NCAM2: variants seen among roughly 807,000 people sequenced by gnomAD.
NCAM2 encodes the protein N-CAM-2.
In NCAM2, 30 loss-of-function variants were observed where a neutral mutation model predicts 98.1. The ratio of observed to expected loss-of-function variants is 0.31; its 90% CI spans 0.23 to 0.41. The LOEUF is 0.41. Among genes scored for constraint, NCAM2 ranks in the 10% least tolerant of loss-of-function variants. NCAM2 has a pLI of 1.00. For missense variants in NCAM2, 867 were observed against 1,005.8 expected, an observed-to-expected ratio of 0.86 and a Z score of 1.87; for synonymous variants, 368 against 342.4, an observed-to-expected ratio of 1.07 and a Z score of -0.83.
chr21:21,111,517 C>T (rs138896982), intron 1 of NCAM2, among the ~76,000 whole-genome samples: 4 of 152,118 alleles, frequency 2.6e-5, no homozygotes, highest in African/African-American at 9.6e-5. Context: ...GAGGGCAGGG[C>T]TCCAGAAGCC....
intron 1 of NCAM2, among the ~76,000 whole-genome samples, chr21:21,264,641 G>T (rs536901934): frequency 6.6e-6 from 1 of 150,636 alleles, no homozygotes; most frequent in Non-Finnish European, 1.5e-5. Context: ...TGATGTGTAT[G>T]TATGTGTGTG....
chr21:21,058,144 C>CAAA (rs56355387), intron 1 of NCAM2, among the ~76,000 whole-genome samples: 7 of 104,448 alleles, frequency 6.7e-5, no homozygotes, highest in African/African-American at 1.8e-4. Flanking sequence ...TAAGTCTCTT[C>CAAA]AAAAAAAAAA....
intron 4 of NCAM2, among the ~76,000 whole-genome samples, chr21:21,289,386 C>T (rs376530219): frequency 5.9e-5 from 9 of 151,670 alleles, no homozygotes; most frequent in South Asian, 2.1e-4. Flanking sequence ...TCTATGATAA[C>T]GAAATTGTGG....
At chr21:21,208,891 C>T (rs930599975) in intron 1 of NCAM2, among the ~76,000 whole-genome samples, 1 of 151,908 alleles carries the variant, frequency 6.6e-6, no homozygotes, top group Non-Finnish European at 1.5e-5. Context: ...TTTCTTTGTT[C>T]TATGTTCAAT....
intron 1 of NCAM2, among the ~76,000 whole-genome samples, chr21:21,237,276 C>G (rs992822343): frequency 1.3e-5 from 2 of 152,048 alleles, no homozygotes; most frequent in Non-Finnish European, 2.9e-5. Context: ...ACTGTGGTTT[C>G]AATTTTTTTA....
At chr21:21,085,633 G>A (rs186227626) in intron 1 of NCAM2, among the ~76,000 whole-genome samples, 12 of 152,162 alleles carry the variant, frequency 7.9e-5, no homozygotes, top group Admixed American at 4.6e-4. Flanking sequence ...AACACTATGC[G>A]CCCTTTCTGC....
chr21:21,443,220 G>C (rs1979574246), intron 12 of NCAM2, among the ~76,000 whole-genome samples: 1 of 152,108 alleles, frequency 6.6e-6, no homozygotes, highest in Non-Finnish European at 1.5e-5. Context: ...AGTGGGAGTT[G>C]AACAATGAGA....
At chr21:21,373,257 G>A (rs894273117) in intron 8 of NCAM2, among the ~76,000 whole-genome samples, 1 of 151,810 alleles carries the variant, frequency 6.6e-6, no homozygotes, top group Admixed American at 6.6e-5. Flanking sequence ...GAAATCTGAA[G>A]TTCCAGCAAG....
chr21:21,474,834 G>A (rs1349918490), intron 14 of NCAM2, among the ~76,000 whole-genome samples: 1 of 151,602 alleles, frequency 6.6e-6, no homozygotes, highest in Non-Finnish European at 1.5e-5. Flanking sequence ...GTATATATGT[G>A]CATATTCATA....
chr21:21,529,937 C>CA lies in NCAM2; in HGVS notation c.2283-4596dup, dbSNP rs1306609880. On this transcript the variant is annotated intron_variant, in intron 16 of 17. Coordinates refer to ENST00000400546, the MANE Select transcript of NCAM2 (RefSeq NM_004540.5). Reference sequence around the variant, plus strand: ...CATTTAGACATTCACAGTTTTAATGCAAAATCTCTCCCTCTCTGTTGATAA... The same window carrying CA: ...CATTTAGACATTCACAGTTTTAATGCAAAAATCTCTCCCTCTCTGTTGATAA... 2.0e-5 allele frequency among the ~76,000 whole-genome samples: 3 copies of CA among 150,644 alleles called. No individual in the cohort carries two copies. In the South Asian group the frequency reaches 6.2e-4, roughly 31 times the overall value.
chr21:21,418,036 T>G (rs1242903875), intron 10 of NCAM2, among the ~76,000 whole-genome samples: 2 of 152,040 alleles, frequency 1.3e-5, no homozygotes, highest in Admixed American at 6.6e-5. Context: ...TAACAATGCT[T>G]TTATTACAAG....
intron 1 of NCAM2, among the ~76,000 whole-genome samples, chr21:21,247,354 G>A (rs768502805): frequency 2.0e-5 from 3 of 151,932 alleles, no homozygotes; most frequent in Non-Finnish European, 4.4e-5. Flanking sequence ...TTAAACAGAG[G>A]GATTTTGCTT....
intron 9 of NCAM2, among the ~76,000 whole-genome samples, chr21:21,396,299 A>C (rs1256136818): frequency 6.6e-6 from 1 of 152,230 alleles, no homozygotes; most frequent in East Asian, 1.9e-4. Context: ...TCAAAACCAC[A>C]ATGTGATACA....
At chr21:21,465,828 C>G (rs1983610693) in intron 12 of NCAM2, among the ~76,000 whole-genome samples, 1 of 151,916 alleles carries the variant, frequency 6.6e-6, no homozygotes, top group African/African-American at 2.4e-5. Flanking sequence ...AAAGTGGCAA[C>G]TATAAAATTC....
intron 16 of NCAM2, among the ~76,000 whole-genome samples, chr21:21,515,269 C>T (rs780086580): frequency 1.4e-4 from 21 of 152,058 alleles, no homozygotes; most frequent in Non-Finnish European, 1.9e-4. Context: ...GTGTTCTGCA[C>T]GAGTCCAAAG....
intron 5 of NCAM2, among the ~76,000 whole-genome samples, chr21:21,295,145 C>A (rs1366977041): frequency 6.6e-6 from 1 of 151,756 alleles, no homozygotes; most frequent in Non-Finnish European, 1.5e-5. Context: ...TCACATGCAG[C>A]GCTTCCTTGT....
chr21:21,208,531 T>C (rs1449968332), intron 1 of NCAM2, among the ~76,000 whole-genome samples: 1 of 152,184 alleles, frequency 6.6e-6, no homozygotes, highest in Non-Finnish European at 1.5e-5. Context: ...AGACAGCATC[T>C]TTTTATTTTA....
In NCAM2 at chr21:21,033,869, C is replaced by T. The variant is rs182923584; in HGVS notation, c.55+35251C>T. On this transcript the variant is annotated intron_variant, in intron 1 of 17. Transcript: ENST00000400546. ...CAGAAGGCAGCTTTTCTGAACTATC[C>T]CCATCTGCAGGCCCTGTTAATAGTC... is the stretch of plus-strand genomic sequence containing the variant. 2.6e-3 allele frequency among the ~76,000 whole-genome samples: 400 copies of T among 152,106 alleles called. 1 individual carries two copies. Among genetic ancestry groups the T allele is most frequent in the African/African-American group, 8.9e-3 (371 of 41,484 alleles).
intron 6 of NCAM2, among the ~76,000 whole-genome samples, chr21:21,327,966 G>A (rs1488978616): frequency 1.3e-5 from 2 of 151,982 alleles, no homozygotes; most frequent in African/African-American, 2.4e-5. Flanking sequence ...TCGTTCAAAC[G>A]GTACTTCTAT....
Sources: gnomAD v4.1 joint callset for allele counts (sites outside exome capture counted in the v4.1 genomes callset) on GRCh38, gnomAD v4.1.1 for gene constraint, MANE v1.5 for transcripts, NCBI Gene and HGNC (gene_info 2026-07-23, HGNC 2026-07-21) for gene names.